The following CAMK1D variants were observed in gnomAD, a reference collection of about 807,000 sequenced individuals.
The protein encoded by CAMK1D is calcium/calmodulin-dependent protein kinase type 1D.
A neutral mutation model predicts 47.7 loss-of-function variants in CAMK1D; 9 were observed. The ratio of observed to expected loss-of-function variants is 0.19; its 90% CI spans 0.11 to 0.33. The LOEUF (loss-of-function observed/expected upper bound fraction) is 0.33, where lower values mean the gene tolerates loss of function less well. Ranked by LOEUF, CAMK1D falls within the 10% of genes least tolerant of loss-of-function variation. CAMK1D has a pLI of 1.00. For missense variants in CAMK1D, 291 were observed against 488.7 expected, an observed-to-expected ratio of 0.60 and a Z score of 3.81; for synonymous variants, 184 against 184.9, an observed-to-expected ratio of 0.99 and a Z score of 0.04.
chr10:12,753,434 A>G (rs948100872), intron 3 of CAMK1D, among the ~76,000 whole-genome samples: 1 of 152,232 alleles, frequency 6.6e-6, no homozygotes, highest in Non-Finnish European at 1.5e-5. Context: ...GAAATATGTC[A>G]TGCTAGGTTG....
intron 2 of CAMK1D, among the ~76,000 whole-genome samples, chr10:12,624,989 TC>T (rs1205929175): frequency 1.6e-5 from 2 of 123,406 alleles, no homozygotes; most frequent in Non-Finnish European, 3.6e-5. Flanking sequence ...TTCTCCTTCC[TC>T]CTCTTTCCTC....
At chr10:12,618,804 A>G (rs2132433038) in intron 2 of CAMK1D, among the ~76,000 whole-genome samples, 1 of 152,328 alleles carries the variant, frequency 6.6e-6, no homozygotes, top group South Asian at 2.1e-4. Flanking sequence ...TAGTAATAAT[A>G]GTTGCAGTTT....
At chr10:12,476,466 G>T (rs1257476168) in intron 1 of CAMK1D, among the ~76,000 whole-genome samples, 1 of 152,104 alleles carries the variant, frequency 6.6e-6, no homozygotes, top group Non-Finnish European at 1.5e-5. Context: ...CAGACGATCT[G>T]CAGGGTAAAG....
chr10:12,602,431 T>C (rs1189780643), intron 2 of CAMK1D, among the ~76,000 whole-genome samples: 1 of 152,170 alleles, frequency 6.6e-6, no homozygotes, highest in Non-Finnish European at 1.5e-5. Flanking sequence ...CTCTCACCGA[T>C]GACTTTTCCA....
At chr10:12,746,363 C>CAAAAAA (rs542434085) in intron 3 of CAMK1D, among the ~76,000 whole-genome samples, 5 of 86,834 alleles carry the variant, frequency 5.8e-5, no homozygotes, top group Non-Finnish European at 9.0e-5. Flanking sequence ...GACTCCGTCT[C>CAAAAAA]AAAAAAAAAA....
chr10:12,626,906 A>G (rs928705095), intron 2 of CAMK1D, among the ~76,000 whole-genome samples: 3 of 152,188 alleles, frequency 2.0e-5, no homozygotes, highest in African/African-American at 7.2e-5. Flanking sequence ...ACACGCAAAT[A>G]CGTGTTGGTT....
intron 1 of CAMK1D, among the ~76,000 whole-genome samples, chr10:12,391,260 CT>C (rs537318883): frequency 6.6e-6 from 1 of 151,838 alleles, no homozygotes; most frequent in Non-Finnish European, 1.5e-5. Context: ...TAGGTGTGCG[CT>C]TTTTTTTCTC....
chr10:12,548,718 G>C (rs938891629), intron 1 of CAMK1D, among the ~76,000 whole-genome samples: 2 of 152,014 alleles, frequency 1.3e-5, no homozygotes, highest in African/African-American at 4.8e-5. Context: ...TCCCACCTCA[G>C]CCTCCCAAAG....
intron 3 of CAMK1D, among the ~76,000 whole-genome samples, chr10:12,717,254 G>A (rs1177921730): frequency 1.3e-5 from 2 of 152,104 alleles, no homozygotes; most frequent in African/African-American, 2.4e-5. Flanking sequence ...AACTATAAGG[G>A]AAATAATGAG....
intron 1 of CAMK1D, among the ~76,000 whole-genome samples, chr10:12,375,567 C>G (rs1319870322): frequency 6.6e-6 from 1 of 152,156 alleles, no homozygotes; most frequent in Non-Finnish European, 1.5e-5. Flanking sequence ...CTTGGTGCTG[C>G]TGGTACTCCA....
chr10:12,587,546 A>C (rs1837855794), intron 2 of CAMK1D, among the ~76,000 whole-genome samples: 1 of 38,376 alleles, frequency 2.6e-5, no homozygotes, highest in Non-Finnish European at 8.0e-5. Context: ...TCCAGACATC[A>C]TTAAAAAAAA....
intron 2 of CAMK1D, among the ~76,000 whole-genome samples, chr10:12,596,365 C>T (rs866237769): frequency 2.6e-5 from 4 of 152,012 alleles, no homozygotes; most frequent in South Asian, 4.2e-4. Context: ...CTCCAGCTAG[C>T]GGTTTGCCTT....
Position 12,830,262 on chromosome 10 carries a change from T to C in CAMK1D, c.*1375T>C, listed in dbSNP as rs1396559852. ...TCCAACACAAAGTTCTTTCTCCACA[T>C]TTTTACCCTCTTCTCACATGAATGT... On this transcript the variant is annotated 3_prime_UTR_variant, in exon 11 of 11. Transcript: ENST00000619168. 2 of 152,166 alleles carry C rather than the reference T, an allele frequency of 1.3e-5. No homozygotes were observed. Among genetic ancestry groups the C allele is most frequent in the Non-Finnish European group, 2.9e-5 (2 of 68,042 alleles). The allele number at this position is 152,166 out of a possible 1,614,324, so 9.4% of individuals were successfully genotyped here.
At chr10:12,491,131 A>G (rs966129260) in intron 1 of CAMK1D, among the ~76,000 whole-genome samples, 2 of 150,154 alleles carry the variant, frequency 1.3e-5, no homozygotes, top group Non-Finnish European at 3.0e-5. Context: ...TAACTGCATC[A>G]CTGGAGGGTA....
chr10:12,560,738 G>C (rs1028959375), intron 2 of CAMK1D, among the ~76,000 whole-genome samples: 2 of 151,996 alleles, frequency 1.3e-5, no homozygotes, highest in African/African-American at 4.8e-5. Context: ...CTAAAAGAGA[G>C]AGAGCTCCTC....
intron 2 of CAMK1D, among the ~76,000 whole-genome samples, chr10:12,614,024 C>G (rs1588690555): frequency 6.6e-6 from 1 of 152,266 alleles, no homozygotes; most frequent in South Asian, 2.1e-4. Flanking sequence ...CTGCCCCATA[C>G]TCTGCTTTTC....
intron 5 of CAMK1D, among the ~76,000 whole-genome samples, chr10:12,790,550 T>C (rs1352289307): frequency 6.6e-6 from 1 of 152,198 alleles, no homozygotes; most frequent in Non-Finnish European, 1.5e-5. Context: ...AAAATAGCCA[T>C]GTATTATGTG....
At chr10:12,602,966 A>G (rs1838349518) in intron 2 of CAMK1D, among the ~76,000 whole-genome samples, 1 of 144,996 alleles carries the variant, frequency 6.9e-6, no homozygotes, top group Admixed American at 7.1e-5. Flanking sequence ...GCTGGAGTAT[A>G]GTGGTGCGAT....
chr10:12,453,500 C>G (rs951753297), intron 1 of CAMK1D, among the ~76,000 whole-genome samples: 1 of 152,084 alleles, frequency 6.6e-6, no homozygotes, highest in Non-Finnish European at 1.5e-5. Context: ...AATTTTCTTC[C>G]TTTTTAAGGC....
Sources: gnomAD v4.1 joint callset for allele counts (sites outside exome capture counted in the v4.1 genomes callset) on GRCh38, gnomAD v4.1.1 for gene constraint, MANE v1.5 for transcripts, NCBI Gene and HGNC (gene_info 2026-07-23, HGNC 2026-07-21) for gene names.